Variants in STPG2 observed in about 807,000 individuals in gnomAD.
STPG2 encodes the protein sperm-tail PG-rich repeat-containing protein 2.
STPG2 carries 56 observed loss-of-function variants against 54.2 expected under a neutral mutation model. The observed-to-expected ratio is 1.03, with a 90% CI of 0.83 to 1.29. The LOEUF is 1.29. STPG2 is among the 50% of genes most tolerant of loss of function. The pLI, the probability that STPG2 is intolerant of heterozygous loss-of-function variation, is 0.00. For synonymous variants in STPG2, 200 were observed against 181.8 expected (o/e 1.10, Z -0.81); for missense variants, 596 against 544.9 (o/e 1.09, Z -0.93).
chr4:97,681,060 T>G (rs1723017711), intron 10 of STPG2, among the ~76,000 whole-genome samples: 1 of 151,992 alleles, frequency 6.6e-6, no homozygotes, highest in South Asian at 2.1e-4. Context: ...TTTTAAGCTG[T>G]TGGCATCTGC....
At chr4:97,938,120 G>A (rs764372615) in intron 8 of STPG2, among the ~76,000 whole-genome samples, 1 of 152,170 alleles carries the variant, frequency 6.6e-6, no homozygotes, top group Non-Finnish European at 1.5e-5. Context: ...GCCTCACCCA[G>A]AGAGCAGGGA....
intron 8 of STPG2, among the ~76,000 whole-genome samples, chr4:97,874,832 G>C (rs1171602927): frequency 2.0e-5 from 3 of 151,530 alleles, no homozygotes; most frequent in African/African-American, 4.8e-5. Flanking sequence ...GTTGTGACTA[G>C]TGATCATTTA....
intron 9 of STPG2, among the ~76,000 whole-genome samples, chr4:97,796,016 T>A (rs1304683821): frequency 6.6e-6 from 1 of 152,250 alleles, no homozygotes; most frequent in African/African-American, 2.4e-5. Flanking sequence ...TAGTGTCTGC[T>A]CATATCCTTC....
At chr4:97,626,254 A>G (rs1018314636) in intron 10 of STPG2, among the ~76,000 whole-genome samples, 1 of 152,192 alleles carries the variant, frequency 6.6e-6, no homozygotes, top group Non-Finnish European at 1.5e-5. Flanking sequence ...GGCCATATGT[A>G]GCTGTAATAT....
chr4:97,817,174 A>G (rs1357044989), intron 9 of STPG2, among the ~76,000 whole-genome samples: 2 of 149,874 alleles, frequency 1.3e-5, no homozygotes, highest in African/African-American at 4.9e-5. Flanking sequence ...CTTCCCTATG[A>G]TTCAGTTATC....
chr4:97,974,105 C>G (rs552171200), intron 6 of STPG2, among the ~76,000 whole-genome samples: 186 of 152,330 alleles, frequency 1.2e-3, no homozygotes, highest in Middle Eastern at 6.8e-3. Flanking sequence ...CTGTGGGAAC[C>G]TACCTCTTGC....
At chr4:97,461,833 C>CTTCA (rs2148808513) in intron 4 of STPG2, among the ~76,000 whole-genome samples, 1 of 152,028 alleles carries the variant, frequency 6.6e-6, no homozygotes, top group East Asian at 1.9e-4. Context: ...ATTTTTAGAA[C>CTTCA]TTCATTTCTA....
intron 10 of STPG2, among the ~76,000 whole-genome samples, chr4:97,692,994 T>C (rs1159511256): frequency 3.9e-5 from 6 of 152,160 alleles, no homozygotes; most frequent in Admixed American, 6.5e-5. Context: ...GACAAACAGA[T>C]GCTGAGAGAA....
intron 10 of STPG2, among the ~76,000 whole-genome samples, chr4:97,610,788 C>T (rs949032345): frequency 2.0e-5 from 3 of 151,840 alleles, no homozygotes; most frequent in African/African-American, 4.8e-5. Flanking sequence ...CTGGCAAATA[C>T]GACTATTTCC....
intron 10 of STPG2, among the ~76,000 whole-genome samples, chr4:97,698,274 A>T (rs955225733): frequency 6.6e-6 from 1 of 152,108 alleles, no homozygotes; most frequent in African/African-American, 2.4e-5. Context: ...GCTTAATCAC[A>T]GGGCATGGCA....
rs533805740 is a variant in STPG2 at position 98,100,855 on chromosome 4, T to C, written c.612+5098A>G. 7.9e-4 allele frequency among the ~76,000 whole-genome samples: 120 copies of C among 151,998 alleles called. 1 individual carries two copies. Among genetic ancestry groups the C allele is most frequent in the Admixed American group, 1.2e-3 (18 of 15,272 alleles). On this transcript the variant is annotated intron_variant, in intron 5 of 10. Transcript: ENST00000295268. ...CATGCTGAACTAATTTTTGTATTTT[T>C]AGTAGAGACGAGGTTTCACCATATT...
intron 10 of STPG2, among the ~76,000 whole-genome samples, chr4:97,565,369 CT>C (rs1454034140): frequency 6.6e-6 from 1 of 151,814 alleles, no homozygotes; most frequent in African/African-American, 2.4e-5. Flanking sequence ...CTTCTTTTCC[CT>C]TGGTTTGAAT....
chr4:98,074,136 G>T (rs1163519674), intron 5 of STPG2, among the ~76,000 whole-genome samples: 1 of 152,132 alleles, frequency 6.6e-6, no homozygotes, highest in Non-Finnish European at 1.5e-5. Context: ...TAGTTCTTTA[G>T]ATTACTTTAT....
At chr4:97,506,040 A>T (rs1438050147) in intron 4 of STPG2, among the ~76,000 whole-genome samples, 1 of 149,894 alleles carries the variant, frequency 6.7e-6, no homozygotes, top group Non-Finnish European at 1.5e-5. Flanking sequence ...AAAAAAAAAA[A>T]AAAAAAGGCT....
chr4:97,713,151 G>A (rs1044545996), intron 9 of STPG2, among the ~76,000 whole-genome samples: 5 of 152,110 alleles, frequency 3.3e-5, no homozygotes. Context: ...AGGAGTTAGG[G>A]CTTGAGCTGC....
intron 4 of STPG2, among the ~76,000 whole-genome samples, chr4:97,504,178 T>C (rs893783827): frequency 1.4e-5 from 2 of 146,726 alleles, no homozygotes; most frequent in Admixed American, 1.4e-4. Context: ...TTAAATATTT[T>C]ATTTTATTTT....
At chr4:97,513,196 G>A (rs1289843380) in intron 4 of STPG2, among the ~76,000 whole-genome samples, 1 of 152,082 alleles carries the variant, frequency 6.6e-6, no homozygotes, top group African/African-American at 2.4e-5. Context: ...CCAGAGGGAA[G>A]AACTGCACAG....
intron 4 of STPG2, among the ~76,000 whole-genome samples, chr4:97,496,783 TTGGTTA>T (rs1730621068): frequency 6.6e-6 from 1 of 151,682 alleles, no homozygotes; most frequent in Non-Finnish European, 1.5e-5. Flanking sequence ...AAATGTACCT[TTGGTTA>T]TGCTTTGACT....
At chr4:97,804,432 C>G (rs1045183043) in intron 9 of STPG2, among the ~76,000 whole-genome samples, 6 of 151,510 alleles carry the variant, frequency 4.0e-5, no homozygotes, top group African/African-American at 1.5e-4. Flanking sequence ...ACAACAACAA[C>G]AAAAAGTTGA....
Sources: allele counts gnomAD v4.1 joint callset (sites outside exome capture counted in the v4.1 genomes callset), GRCh38; gene constraint gnomAD v4.1.1; transcripts MANE v1.5; gene names NCBI Gene and HGNC (gene_info 2026-07-23, HGNC 2026-07-21).